The following ARHGEF40 variants were observed in gnomAD, a reference collection of about 807,000 sequenced individuals.
ARHGEF40 encodes the protein Rho guanine nucleotide exchange factor (GEF) 40.
In ARHGEF40, 98 loss-of-function variants were observed where a neutral mutation model predicts 165.9. That is an observed-to-expected ratio of 0.59 (90% CI 0.50 to 0.70). The LOEUF (loss-of-function observed/expected upper bound fraction) is 0.70, where lower values mean the gene tolerates loss of function less well. ARHGEF40 is among the 30% of genes least tolerant of loss of function. ARHGEF40 has a pLI of 0.00. For synonymous variants in ARHGEF40, 792 were observed against 814.3 expected (o/e 0.97, Z 0.47); for missense variants, 1,815 against 1,968.0 (o/e 0.92, Z 1.47).
Position 21,080,776 on chromosome 14 carries a change from G to C in ARHGEF40, c.2490G>C (p.Glu830Asp). 6.2e-7 allele frequency: 1 copy of C among 1,606,472 alleles called. No individual in the cohort carries two copies. The highest frequency in any genetic ancestry group is 1.7e-4 in the Middle Eastern group (1 of 6,018). ...TGCGATTCCGTGCTTTCAGCGCTGA[G>C]GTCCAGGTGAGAAGGGGCTGGAGGG... is the stretch of plus-strand genomic sequence containing the variant. ...TELRFRAFSAEVQERLAQARE... is the reference protein window; with the variant it reads ...TELRFRAFSADVQERLAQARE... The change falls in exon 12 of 24, where the codon GAG becomes GAC. Residue 830 changes from glutamate to aspartate, a missense_variant. Glu to Asp is a conservative substitution (Grantham distance 45). Transcript: ENST00000298694.
Position 21,075,771 on chromosome 14 carries a change from C to A in ARHGEF40, c.1739+6C>A. On this transcript the variant is annotated splice_donor_region_variant and intron_variant, in intron 5 of 23. Transcript: ENST00000298694. This position sits in a 1 kb window ranked among gnomAD's most constrained non-coding sequence, Gnocchi z 4.5. ...TACCTCCACTCACTGCTCAGGTAAC[C>A]GAGGCCCAGTCCTGGCACCCTGGAC... The A allele has an allele frequency of 6.2e-7, 1 of 1,611,562 alleles. No homozygotes were observed. The highest frequency in any genetic ancestry group is 8.5e-7 in the Non-Finnish European group (1 of 1,178,768).
chr14:21,084,106 GC>G (rs981519072), intron 17 of ARHGEF40, 56 bp downstream of exon 17: 2 of 1,515,464 alleles, frequency 1.3e-6, no homozygotes, highest in African/African-American at 2.8e-5. Context: ...GGCCTCAGAA[GC>G]CGTGTAGGTT....
rs1446928491 is a variant in ARHGEF40 at position 21,075,988 on chromosome 14, A to G, written c.1739+223A>G. On this transcript the variant is annotated intron_variant, in intron 5 of 23. Coordinates refer to ENST00000298694, the MANE Select transcript of ARHGEF40 (RefSeq NM_018071.5). This position sits in a 1 kb window ranked among gnomAD's most constrained non-coding sequence, Gnocchi z 4.5. ...CACTGTTGACTTTCACTCTCTTCCA[A>G]CCCTACCAAGATCATCAGGACATTG... 1.3e-5 allele frequency among the ~76,000 whole-genome samples: 2 copies of G among 152,082 alleles called. No homozygotes were observed. Among genetic ancestry groups the G allele is most frequent in the African/African-American group, 4.8e-5 (2 of 41,380 alleles).
In ARHGEF40 at chr14:21,083,990, C is replaced by T; in HGVS notation, c.3729C>T (p.Leu1243=). The T allele has an allele frequency of 6.2e-7, 1 of 1,613,206 alleles. No homozygotes were observed. Among genetic ancestry groups the T allele is most frequent in the Admixed American group, 1.7e-5 (1 of 59,978 alleles). The change falls in exon 17 of 24, where the codon CTC becomes CTT. Residue 1243 remains leucine (L), a synonymous_variant. Transcript: ENST00000298694. ...CRALGAAVQL[L]REQEARGRDL... ...CCCTTGGGGCTGCTGTACAGCTGCTCCGGGAACAAGAGGCCCGTGGCAGAG... is the reference window on the plus strand; with the variant it reads ...CCCTTGGGGCTGCTGTACAGCTGCTTCGGGAACAAGAGGCCCGTGGCAGAG...
rs758981839 is a variant in ARHGEF40 at position 21,087,374 on chromosome 14, CCCTT to C, written c.4301_4304del (p.Leu1434ProfsTer67). On this transcript the variant is annotated frameshift_variant, in exon 21 of 24. Transcript: ENST00000298694. LOFTEE classifies it high-confidence loss of function. ...TCATCCTTTGAGCATGCCGGCCCCT[CCCTT>C]CCCGGCCTTTCGCCGGGAGCCTGCT... is the stretch of plus-strand genomic sequence containing the variant. The C allele has an allele frequency of 6.2e-7, 1 of 1,604,706 alleles. No homozygotes were observed. Among genetic ancestry groups the C allele is most frequent in the Non-Finnish European group, 8.5e-7 (1 of 1,179,840 alleles).
chr14:21,088,673 G>C (rs933336667), intron 22 of ARHGEF40, among the ~76,000 whole-genome samples, 157 bp from the exon 23 acceptor site: 1 of 152,142 alleles, frequency 6.6e-6, no homozygotes, highest in African/African-American at 2.4e-5. Flanking sequence ...GCAACAGTGA[G>C]CACCTGTCTC....
chr14:21,086,229 TA>T (rs1888322195), intron 19 of ARHGEF40: 1 of 255,858 alleles, frequency 3.9e-6, no homozygotes. Flanking sequence ...ATTTTAAAAT[TA>T]ACTGGGCATG....
chr14:21,087,792 G>C, intron 21 of ARHGEF40, 176 bp from the exon 22 acceptor site: 2 of 849,672 alleles, frequency 2.4e-6, no homozygotes, highest in South Asian at 3.2e-5. Context: ...TTGCTCTAAT[G>C]ATGCTGCTGA....
At chr14:21,085,617 A>C in intron 18 of ARHGEF40, 72 bp from the exon 19 acceptor site, 1 of 1,539,996 alleles carries the variant, frequency 6.5e-7, no homozygotes, top group Non-Finnish European at 8.8e-7. Flanking sequence ...GGCGAAGCCC[A>C]GTGCTTGCCA....
At position 21,074,761 on chromosome 14, in the gene ARHGEF40, C is replaced by G. The variant is rs772205232; in HGVS notation, c.1031C>G (p.Ala344Gly). The change falls in exon 3 of 24, where the codon GCC becomes GGC. Residue 344 changes from alanine (A) to glycine (G), a missense_variant. Physicochemically the swap from Ala to Gly is moderately conservative, Grantham distance 60 (BLOSUM62 0). Transcript: ENST00000298694. This position sits in a 1 kb window ranked among gnomAD's most constrained non-coding sequence, Gnocchi z 4.8. ...SEPPAEAVGEASGSCPLRPGE... is the reference protein window; with the variant it reads ...SEPPAEAVGEGSGSCPLRPGE... ...CCCCCAGCAGAGGCTGTGGGAGAAG[C>G]CTCCGGATCTTGCCCCCTGAGGCCA... 2 of 1,609,722 alleles carry G rather than the reference C, an allele frequency of 1.2e-6. No homozygotes were observed. Among genetic ancestry groups the G allele is most frequent in the East Asian group, 4.5e-5 (2 of 44,812 alleles).
chr14:21,084,705 CA>C (rs778833197), intron 17 of ARHGEF40, 47 bp from the exon 18 acceptor site: 1 of 1,576,062 alleles, frequency 6.3e-7, no homozygotes, highest in East Asian at 2.2e-5. Context: ...CTGTAAAATA[CA>C]AACAAAGGGC....
chr14:21,078,551 C>A, intron 10 of ARHGEF40, 63 bp downstream of exon 10: 3 of 1,466,762 alleles, frequency 2.0e-6, no homozygotes, highest in Non-Finnish European at 2.8e-6. Context: ...CTGAAGGCTG[C>A]CAACAAACCT....
At chr14:21,088,744 G>A in intron 22 of ARHGEF40, 86 bp from the exon 23 acceptor site, 1 of 1,397,110 alleles carries the variant, frequency 7.2e-7, no homozygotes, top group Non-Finnish European at 9.9e-7. Flanking sequence ...GAGGTGAATT[G>A]ACAGGCTTGT....
chr14:21,078,871 G>A lies in ARHGEF40; in HGVS notation c.2247-13G>A, dbSNP rs1887648313. On this transcript the variant is annotated splice_polypyrimidine_tract_variant and intron_variant, in intron 10 of 23. Transcript: ENST00000298694. ...CAAGGGAAATGATTCATTCTTCTCT[G>A]CTCCTTCCCAAGGCTGGAGGGCCAA... is the stretch of plus-strand genomic sequence containing the variant. The A allele has an allele frequency of 1.1e-5, 17 of 1,610,838 alleles. No homozygotes were observed. Among genetic ancestry groups the A allele is most frequent in the Non-Finnish European group, 1.4e-5 (16 of 1,177,240 alleles).
At chr14:21,081,112 C>G in intron 13 of ARHGEF40, 96 bp downstream of exon 13, 1 of 1,512,928 alleles carries the variant, frequency 6.6e-7, no homozygotes, top group Non-Finnish European at 8.8e-7. Flanking sequence ...AAAGTGGAGG[C>G]TGAGGGGCCC....
At chr14:21,079,790 G>T (rs893881669) in intron 11 of ARHGEF40, among the ~76,000 whole-genome samples, 1 of 152,098 alleles carries the variant, frequency 6.6e-6, no homozygotes, top group African/African-American at 2.4e-5. Context: ...CTAGAGATGG[G>T]TTGCATCTCC....
chr14:21,067,255 G>T (rs1243471), upstream of ARHGEF40, among the ~76,000 whole-genome samples: 2 of 152,020 alleles, frequency 1.3e-5, no homozygotes, highest in Non-Finnish European at 2.9e-5. Flanking sequence ...TTAACTATTA[G>T]TCTATAACAA....
rs1260057829 is a variant in ARHGEF40 at position 21,081,687 on chromosome 14, G to A, written c.2819G>A (p.Arg940His). The stretch of plus-strand genomic sequence containing the variant: ...CCAGCAGCCCTGCGAGAATGGGGCC[G>A]CTGCCAGGCCCGCTGCCAAGAGCTA... The part of the protein sequence containing the change: ...GSPAALREWG[R>H]CQARCQELER... Residue 940 changes from arginine to histidine, a missense_variant, in exon 14 of 24, where the codon CGC becomes CAC. Coordinates refer to ENST00000298694, the MANE Select transcript of ARHGEF40 (RefSeq NM_018071.5). The A allele has an allele frequency of 9.4e-6, 15 of 1,587,726 alleles. No individual in the cohort carries two copies. Among genetic ancestry groups the A allele is most frequent in the East Asian group, 4.6e-5 (2 of 43,584 alleles).
chr14:21,069,284 GAACTTTCGT>G (rs1340554223), upstream of ARHGEF40, among the ~76,000 whole-genome samples: 13 of 152,282 alleles, frequency 8.5e-5, no homozygotes, highest in Admixed American at 7.8e-4. Context: ...AGTGAGGCTA[GAACTTTCGT>G]AACTAGCCCA....
Sources: allele counts gnomAD v4.1 joint callset (sites outside exome capture counted in the v4.1 genomes callset), GRCh38; gene constraint gnomAD v4.1.1; non-coding constraint Gnocchi (gnomAD v3.1); transcripts MANE v1.5; gene names NCBI Gene and HGNC (gene_info 2026-07-23, HGNC 2026-07-21).